The following TRPM3 variants were observed in gnomAD, a reference collection of about 807,000 sequenced individuals.
TRPM3 encodes the protein long transient receptor potential channel 3.
A neutral mutation model predicts 181.2 loss-of-function variants in TRPM3; 77 were observed. That is an observed-to-expected ratio of 0.42 (90% CI 0.35 to 0.51). The LOEUF (loss-of-function observed/expected upper bound fraction) is 0.51, where lower values mean the gene tolerates loss of function less well. Among genes scored for constraint, TRPM3 ranks in the 20% least tolerant of loss-of-function variants. The pLI is 0.01. For synonymous variants in TRPM3, 745 were observed against 796.4 expected (o/e 0.94, Z 1.09); for missense variants, 1,759 against 2,196.7 (o/e 0.80, Z 3.98).
intron 1 of TRPM3, among the ~76,000 whole-genome samples, chr9:70,909,313 T>A (rs1332550822): frequency 6.6e-6 from 1 of 152,216 alleles, no homozygotes; most frequent in Non-Finnish European, 1.5e-5. Context: ...ACATAGGACC[T>A]TACATTTCTA....
chr9:70,664,870 C>G (rs7023766), intron 9 of TRPM3, among the ~76,000 whole-genome samples: 58,293 of 151,668 alleles, frequency 0.38, 11,689 homozygotes, highest in African/African-American at 0.49. Context: ...GGCTGGTCTA[C>G]AACTCCTGAC....
rs796770532 is a variant in TRPM3 at position 70,533,046 on chromosome 9, C to T, written c.*2907G>A. 6.6e-5 allele frequency: 10 copies of T among 152,298 alleles called. No homozygotes were observed. The highest frequency in any genetic ancestry group is 2.2e-4 in the African/African-American group (9 of 41,558). 9.4% of individuals were successfully genotyped at this position (152,298 alleles called of 1,614,324 possible). On this transcript the variant is annotated 3_prime_UTR_variant, in exon 26 of 26. Coordinates refer to ENST00000677713, the MANE Select transcript of TRPM3 (RefSeq NM_001366145.2). ...TTAAGTTTGGCTTATATATTTCACACGTTTCACAGACGTTAGAACTTAATT... is the reference window on the plus strand; with the variant it reads ...TTAAGTTTGGCTTATATATTTCACATGTTTCACAGACGTTAGAACTTAATT...
intron 1 of TRPM3, among the ~76,000 whole-genome samples, chr9:71,270,911 G>A (rs1044672793): frequency 1.3e-5 from 2 of 152,172 alleles, no homozygotes; most frequent in Non-Finnish European, 2.9e-5. Flanking sequence ...GGAAAGAGCT[G>A]AGGCTTCTTG....
chr9:71,378,163 G>T (rs1199958126), intron 1 of TRPM3, among the ~76,000 whole-genome samples: 2 of 151,924 alleles, frequency 1.3e-5, no homozygotes, highest in African/African-American at 4.8e-5. Context: ...TTTGAAACAG[G>T]CACTTTGAAA....
At chr9:71,077,811 C>A (rs1324516148) in intron 1 of TRPM3, among the ~76,000 whole-genome samples, 1 of 152,010 alleles carries the variant, frequency 6.6e-6, no homozygotes, top group Non-Finnish European at 1.5e-5. Flanking sequence ...ATAAACTGAA[C>A]TACTTATTGT....
chr9:71,100,172 C>G (rs1048167860), intron 1 of TRPM3, among the ~76,000 whole-genome samples: 1 of 151,976 alleles, frequency 6.6e-6, no homozygotes, highest in African/African-American at 2.4e-5. Flanking sequence ...ATTTTAACTC[C>G]ATTGATTAAC....
chr9:70,949,531 G>T (rs569427253), intron 1 of TRPM3, among the ~76,000 whole-genome samples: 2 of 152,044 alleles, frequency 1.3e-5, no homozygotes, highest in African/African-American at 2.4e-5. Context: ...CCATGCAGGG[G>T]AGTTTGAATG....
chr9:71,413,858 C>CT (rs564664274), intron 1 of TRPM3, among the ~76,000 whole-genome samples: 39,610 of 144,730 alleles, frequency 0.27, 6,118 homozygotes, highest in African/African-American at 0.44. Context: ...ATACATTTCT[C>CT]TTTTTTTTTT....
At chr9:70,849,529 C>T (rs968987486) in intron 3 of TRPM3, among the ~76,000 whole-genome samples, 1 of 152,160 alleles carries the variant, frequency 6.6e-6, no homozygotes, top group African/African-American at 2.4e-5. Context: ...GGAAGATAAA[C>T]TAAGATATTA....
intron 1 of TRPM3, among the ~76,000 whole-genome samples, chr9:71,292,827 A>G (rs1427776683): frequency 6.6e-6 from 1 of 151,880 alleles, no homozygotes; most frequent in Non-Finnish European, 1.5e-5. Context: ...CACCAAAGAG[A>G]CACCAGAAAT....
At chr9:70,752,529 C>T (rs574667106) in intron 8 of TRPM3, among the ~76,000 whole-genome samples, 4 of 152,188 alleles carry the variant, frequency 2.6e-5, no homozygotes, top group Non-Finnish European at 4.4e-5. Context: ...AAGCACAAAA[C>T]ATAAAAAAGG....
At chr9:70,885,418 T>C (rs928050404) in intron 1 of TRPM3, among the ~76,000 whole-genome samples, 4 of 152,212 alleles carry the variant, frequency 2.6e-5, no homozygotes, top group Non-Finnish European at 5.9e-5. Context: ...CCATTGTTCC[T>C]AAACCTTAGG....
At chr9:70,808,175 G>C (rs1335804793) in intron 6 of TRPM3, among the ~76,000 whole-genome samples, 1 of 152,190 alleles carries the variant, frequency 6.6e-6, no homozygotes, top group Non-Finnish European at 1.5e-5. Context: ...TGTTATGCTA[G>C]GAACCTATTG....
At chr9:71,044,823 C>T (rs1158544043) in intron 1 of TRPM3, among the ~76,000 whole-genome samples, 1 of 151,312 alleles carries the variant, frequency 6.6e-6, no homozygotes, top group Non-Finnish European at 1.5e-5. Context: ...AGGCGCCAGC[C>T]ACCACGCCCG....
At chr9:70,843,221 T>A in intron 4 of TRPM3, 94 bp from the exon 5 acceptor site, 1 of 1,321,396 alleles carries the variant, frequency 7.6e-7, no homozygotes, top group Non-Finnish European at 1.0e-6. Context: ...CTCCCGAGGT[T>A]AAATAAATTG....
chr9:71,100,687 C>T (rs765419534), intron 1 of TRPM3, among the ~76,000 whole-genome samples: 1 of 152,106 alleles, frequency 6.6e-6, no homozygotes, highest in Non-Finnish European at 1.5e-5. Context: ...AATCCTTGTG[C>T]CTCTAACTGC....
intron 1 of TRPM3, among the ~76,000 whole-genome samples, chr9:71,218,301 C>T (rs1158860062): frequency 6.6e-6 from 1 of 152,132 alleles, no homozygotes; most frequent in Non-Finnish European, 1.5e-5. Context: ...ATGTAGCACT[C>T]ATTACATGTC....
chr9:71,028,541 C>G (rs2056870845), intron 1 of TRPM3, among the ~76,000 whole-genome samples: 1 of 151,570 alleles, frequency 6.6e-6, no homozygotes, highest in Admixed American at 6.6e-5. Context: ...TAACCAAAAC[C>G]TAGTGATATG....
intron 22 of TRPM3, among the ~76,000 whole-genome samples, chr9:70,579,658 G>T (rs112621864): frequency 3.9e-5 from 6 of 152,272 alleles, no homozygotes; most frequent in African/African-American, 1.4e-4. Flanking sequence ...GCCCGTGCCC[G>T]CAGACTGAAC....
Sources: allele counts gnomAD v4.1 joint callset (sites outside exome capture counted in the v4.1 genomes callset), GRCh38; gene constraint gnomAD v4.1.1; transcripts MANE v1.5; gene names NCBI Gene and HGNC (gene_info 2026-07-23, HGNC 2026-07-21).